The following OTUD7A variants were observed in gnomAD, a reference collection of about 807,000 sequenced individuals.
The protein encoded by OTUD7A is OTU deubiquitinase 7A.
A neutral mutation model predicts 65.7 loss-of-function variants in OTUD7A; 12 were observed. The ratio of observed to expected loss-of-function variants is 0.18; its 90% CI spans 0.12 to 0.30. The LOEUF (loss-of-function observed/expected upper bound fraction) is 0.30, where lower values mean the gene tolerates loss of function less well. Ranked by LOEUF, OTUD7A falls within the 10% of genes least tolerant of loss-of-function variation. The pLI is 1.00. For missense variants in OTUD7A, 1,148 were observed against 1,304.8 expected (o/e 0.88, Z 1.85); for synonymous variants, 641 against 586.3 (o/e 1.09, Z -1.35).
At chr15:31,524,208 G>A (rs540469518) in intron 8 of OTUD7A, among the ~76,000 whole-genome samples, 10 of 151,570 alleles carry the variant, frequency 6.6e-5, no homozygotes, top group African/African-American at 2.4e-4. Context: ...AATGCCTCCT[G>A]CATCACTGGC....
chr15:31,534,504 C>T (rs770316276), intron 5 of OTUD7A, among the ~76,000 whole-genome samples: 7 of 152,128 alleles, frequency 4.6e-5, no homozygotes, highest in African/African-American at 1.2e-4. Flanking sequence ...GACAAAGATG[C>T]GCCCTCTCTC....
At chr15:31,786,972 T>C (rs775727023) in intron 1 of OTUD7A, among the ~76,000 whole-genome samples, 6 of 152,176 alleles carry the variant, frequency 3.9e-5, no homozygotes, top group Non-Finnish European at 8.8e-5. Flanking sequence ...TAAAAGTCAA[T>C]GTTTAGCTCT....
intron 1 of OTUD7A, among the ~76,000 whole-genome samples, chr15:31,843,968 G>A (rs907003710): frequency 7.9e-5 from 12 of 152,138 alleles, no homozygotes; most frequent in Admixed American, 6.5e-4. Flanking sequence ...GACCTCAGGG[G>A]AGCAGGGCCA....
intron 1 of OTUD7A, among the ~76,000 whole-genome samples, chr15:31,693,353 GA>G (rs1206633430): frequency 6.6e-6 from 1 of 152,164 alleles, no homozygotes; most frequent in Non-Finnish European, 1.5e-5. Flanking sequence ...CCTCTAGAGG[GA>G]AATGCAAGAA....
chr15:31,601,104 G>A (rs1200603489), intron 3 of OTUD7A, among the ~76,000 whole-genome samples: 1 of 152,104 alleles, frequency 6.6e-6, no homozygotes, highest in Non-Finnish European at 1.5e-5. Flanking sequence ...TCCGGACCAA[G>A]CAGACCTAAT....
At chr15:31,817,283 C>G (rs574652096) in intron 1 of OTUD7A, among the ~76,000 whole-genome samples, 3 of 150,038 alleles carry the variant, frequency 2.0e-5, no homozygotes, top group East Asian at 2.0e-4. Context: ...TTGCCCCCCC[C>G]CATCACTCAT....
chr15:31,698,110 G>A (rs1345716137), intron 1 of OTUD7A, among the ~76,000 whole-genome samples: 2 of 152,064 alleles, frequency 1.3e-5, no homozygotes, highest in Non-Finnish European at 2.9e-5. Context: ...TTTCAAAATC[G>A]TTAAAATTAT....
At chr15:31,800,537 A>T (rs11071344) in intron 1 of OTUD7A, among the ~76,000 whole-genome samples, 1 of 152,058 alleles carries the variant, frequency 6.6e-6, no homozygotes, top group African/African-American at 2.4e-5. Context: ...CAGGAGAGCC[A>T]ACCTACCCAA....
rs1489456306 is a variant in OTUD7A at position 31,484,657 on chromosome 15, G to A, written c.1439C>T (p.Ser480Leu). ...CACCGAATCGCGGTCCGAGTCCAGC[G>A]AGTCGGCCAGGGACTGCACGTCCTC... The part of the protein sequence containing the change: ...AGEDVQSLAD[S>L]LDSDRDSVCS... Residue 480 changes from serine to leucine, a missense_variant, in exon 13 of 13, where the codon TCG becomes TTG. By Grantham distance (145) the Ser-to-Leu change is moderately radical. This residue lies in a region of OTUD7A where 842 missense variants were observed against 769.5 expected (regional missense o/e 1.09). Coordinates refer to ENST00000307050, the MANE Select transcript of OTUD7A (RefSeq NM_001382637.1). The surrounding 1 kb of genome is among the most constrained non-coding windows in gnomAD (Gnocchi z 4.5). 7 of 1,582,790 alleles carry A rather than the reference G, an allele frequency of 4.4e-6. No individual in the cohort carries two copies. Among genetic ancestry groups the A allele is most frequent in the South Asian group, 1.1e-5 (1 of 88,070 alleles).
At chr15:31,538,409 G>A (rs1359577623) in intron 5 of OTUD7A, among the ~76,000 whole-genome samples, 2 of 152,160 alleles carry the variant, frequency 1.3e-5, no homozygotes, top group Non-Finnish European at 2.9e-5. Flanking sequence ...GGGTTAGTGT[G>A]TTCTCCTGCA....
chr15:31,523,854 C>T (rs958322607), intron 8 of OTUD7A, among the ~76,000 whole-genome samples: 1 of 152,228 alleles, frequency 6.6e-6, no homozygotes, highest in Non-Finnish European at 1.5e-5. Context: ...GGACTCTGAA[C>T]CCCAAGTGAA....
intron 1 of OTUD7A, among the ~76,000 whole-genome samples, chr15:31,690,272 T>C (rs1892932785): frequency 6.6e-6 from 1 of 152,226 alleles, no homozygotes; most frequent in Admixed American, 6.5e-5. Flanking sequence ...TTATTACTTG[T>C]AACACAACTG....
At chr15:31,703,170 C>A (rs1893252962) in intron 1 of OTUD7A, among the ~76,000 whole-genome samples, 1 of 151,748 alleles carries the variant, frequency 6.6e-6, no homozygotes, top group South Asian at 2.1e-4. Flanking sequence ...AATAAACATA[C>A]GAGAAAATCT....
intron 5 of OTUD7A, among the ~76,000 whole-genome samples, chr15:31,552,658 G>A (rs552863183): frequency 5.8e-4 from 89 of 152,330 alleles, no homozygotes; most frequent in African/African-American, 2.0e-3. Flanking sequence ...TGACCACTAC[G>A]CTGAGGAGAT....
At chr15:31,670,040 G>A (rs1261020401) in intron 1 of OTUD7A, among the ~76,000 whole-genome samples, 2 of 144,318 alleles carry the variant, frequency 1.4e-5, no homozygotes, top group Admixed American at 6.8e-5. Context: ...CCTTCAGAGG[G>A]TCTGTGGGTC....
chr15:31,567,725 G>A (rs2141169135), intron 4 of OTUD7A, among the ~76,000 whole-genome samples: 1 of 152,352 alleles, frequency 6.6e-6, no homozygotes, highest in Admixed American at 6.5e-5. Flanking sequence ...GGTTTCATGG[G>A]CCAGGCCCAG....
intron 3 of OTUD7A, among the ~76,000 whole-genome samples, chr15:31,634,484 C>T (rs1338255594): frequency 3.3e-5 from 5 of 152,222 alleles, no homozygotes; most frequent in Admixed American, 6.5e-5. Flanking sequence ...AGCCACAGCA[C>T]GTGCTCTGTG....
chr15:31,802,141 G>GTGTATA (rs553698632), intron 1 of OTUD7A, among the ~76,000 whole-genome samples: 13,692 of 142,116 alleles, frequency 0.096, 771 homozygotes, highest in South Asian at 0.21. Flanking sequence ...GTGTGTGTGT[G>GTGTATA]TATATATATA....
At chr15:31,870,378 C>G (rs1897996103) in intron 1 of OTUD7A, 129 bp downstream of exon 1, 1 of 146,780 alleles carries the variant, frequency 6.8e-6, no homozygotes, top group Non-Finnish European at 1.5e-5. Context: ...CCGGCCTCAA[C>G]GCCCACCTGC....
Sources: allele counts gnomAD v4.1 joint callset (sites outside exome capture counted in the v4.1 genomes callset), GRCh38; gene constraint gnomAD v4.1.1; regional missense constraint gnomAD v4.1.1; non-coding constraint Gnocchi (gnomAD v3.1); transcripts MANE v1.5; gene names NCBI Gene and HGNC (gene_info 2026-07-23, HGNC 2026-07-21).